Variants in CDC42BPA observed in about 807,000 individuals in gnomAD.
CDC42BPA encodes serine/threonine-protein kinase MRCK alpha.
In CDC42BPA, 80 loss-of-function variants were observed where a neutral mutation model predicts 223.5. The ratio of observed to expected loss-of-function variants is 0.36; its 90% CI spans 0.30 to 0.43. The LOEUF (loss-of-function observed/expected upper bound fraction) is 0.43. Among genes scored for constraint, CDC42BPA ranks in the 20% least tolerant of loss-of-function variants. The pLI is 1.00. For synonymous variants in CDC42BPA, 694 were observed against 718.6 expected (o/e 0.97, Z 0.55); for missense variants, 1,743 against 2,099.9 (o/e 0.83, Z 3.32).
chr1:227,125,514 T>C (rs1011727757), intron 11 of CDC42BPA, among the ~76,000 whole-genome samples: 10 of 151,088 alleles, frequency 6.6e-5, no homozygotes, highest in Admixed American at 6.6e-4. Flanking sequence ...CAAGAATTGC[T>C]TGAACCTGGG....
intron 34 of CDC42BPA, among the ~76,000 whole-genome samples, chr1:227,012,303 C>A (rs1349026571): frequency 1.3e-5 from 2 of 152,076 alleles, no homozygotes; most frequent in Admixed American, 1.3e-4. Flanking sequence ...CAAATAGCAA[C>A]CATGTATTAA....
intron 15 of CDC42BPA, among the ~76,000 whole-genome samples, chr1:227,100,610 T>C (rs1572809990): frequency 6.6e-6 from 1 of 151,290 alleles, no homozygotes; most frequent in East Asian, 1.9e-4. Context: ...TCTTTCTTTT[T>C]TTCCCTGGTA....
chr1:227,117,971 C>T (rs1255945112), intron 12 of CDC42BPA, among the ~76,000 whole-genome samples: 1 of 149,498 alleles, frequency 6.7e-6, no homozygotes, highest in East Asian at 2.1e-4. Flanking sequence ...TATTAAGAAG[C>T]ATTTCACAAA....
chr1:227,195,900 TAA>T (rs937137691), intron 4 of CDC42BPA, among the ~76,000 whole-genome samples: 7 of 152,270 alleles, frequency 4.6e-5, no homozygotes, highest in Non-Finnish European at 7.4e-5. Flanking sequence ...TTCCAATTGT[TAA>T]GAGAGGGACA....
chr1:227,078,412 G>A (rs16847014), intron 17 of CDC42BPA, among the ~76,000 whole-genome samples: 23,465 of 152,068 alleles, frequency 0.15, 2,202 homozygotes, highest in African/African-American at 0.25. Context: ...TACATTTATA[G>A]ATCTCTGTAT....
chr1:227,246,799 CA>C (rs1178388948), intron 2 of CDC42BPA, among the ~76,000 whole-genome samples: 1 of 152,190 alleles, frequency 6.6e-6, no homozygotes, highest in African/African-American at 2.4e-5. Flanking sequence ...CATCTAAAAG[CA>C]TCAACACTAT....
intron 1 of CDC42BPA, among the ~76,000 whole-genome samples, chr1:227,297,360 T>C (rs561042965): frequency 6.6e-6 from 1 of 152,264 alleles, no homozygotes; most frequent in Non-Finnish European, 1.5e-5. Flanking sequence ...TACCACTGCT[T>C]TGAAAAACAG....
intron 2 of CDC42BPA, among the ~76,000 whole-genome samples, chr1:227,246,967 G>A (rs925568661): frequency 5.3e-5 from 8 of 152,078 alleles, no homozygotes; most frequent in Non-Finnish European, 1.2e-4. Context: ...ATGGGAGGCC[G>A]AGGTGGGTGG....
intron 5 of CDC42BPA, among the ~76,000 whole-genome samples, chr1:227,161,322 A>G (rs1663847386): frequency 6.6e-6 from 1 of 152,210 alleles, no homozygotes; most frequent in Non-Finnish European, 1.5e-5. Context: ...ATTCTCAGGG[A>G]CTTAACAATA....
chr1:227,044,161 T>C (rs1395451439), intron 23 of CDC42BPA, among the ~76,000 whole-genome samples: 1 of 152,234 alleles, frequency 6.6e-6, no homozygotes, highest in Non-Finnish European at 1.5e-5. Flanking sequence ...GGGAATTATT[T>C]ATATCACTTG....
At chr1:227,257,487 G>GCTCAC (rs1553421213) in intron 1 of CDC42BPA, among the ~76,000 whole-genome samples, 2 of 150,312 alleles carry the variant, frequency 1.3e-5, no homozygotes, top group Non-Finnish European at 2.9e-5. Flanking sequence ...TGGGCACAGT[G>GCTCAC]GCCTGTAATC....
chr1:227,306,223 T>C (rs937259931), intron 1 of CDC42BPA, among the ~76,000 whole-genome samples: 4 of 148,414 alleles, frequency 2.7e-5, no homozygotes, highest in Non-Finnish European at 5.9e-5. Flanking sequence ...GTACATGTAA[T>C]AAGGAAGTTG....
At chr1:227,196,997 A>G (rs1186926793) in intron 4 of CDC42BPA, among the ~76,000 whole-genome samples, 1 of 152,026 alleles carries the variant, frequency 6.6e-6, no homozygotes, top group Non-Finnish European at 1.5e-5. Flanking sequence ...TAATCACATA[A>G]TAATATCTAC....
At chr1:227,042,370 G>A (rs779559547) in intron 23 of CDC42BPA, among the ~76,000 whole-genome samples, 2 of 151,284 alleles carry the variant, frequency 1.3e-5, no homozygotes, top group Non-Finnish European at 2.9e-5. Flanking sequence ...TTCTGAGTAT[G>A]ACAGCAGGGA....
At chr1:227,275,239 T>TAAAAAAAAAAAAAAA (rs1558930096) in intron 1 of CDC42BPA, among the ~76,000 whole-genome samples, 3 of 75,560 alleles carry the variant, frequency 4.0e-5, no homozygotes, top group Non-Finnish European at 5.6e-5. Flanking sequence ...AAATAAAAAT[T>TAAAAAAAAAAAAAAA]AGAAAGCAGA....
chr1:227,308,523 AAAAAACAGAATG>A (rs1692956164), intron 1 of CDC42BPA, among the ~76,000 whole-genome samples: 1 of 151,500 alleles, frequency 6.6e-6, no homozygotes, highest in Non-Finnish European at 1.5e-5. Context: ...AAAAAAAAAA[AAAAAACAGAATG>A]GGAAGCAAGC....
intron 23 of CDC42BPA, among the ~76,000 whole-genome samples, chr1:227,042,589 C>G (rs114971683): frequency 6.6e-6 from 1 of 151,972 alleles, no homozygotes; most frequent in Non-Finnish European, 1.5e-5. Context: ...AGGTAATACA[C>G]AATAGGATTT....
chr1:226,990,008 T>A lies in CDC42BPA; in HGVS notation c.*4260A>T, dbSNP rs1660524834. On this transcript the variant is annotated 3_prime_UTR_variant, in exon 37 of 37. Coordinates refer to ENST00000366766, the MANE Select transcript of CDC42BPA (RefSeq NM_001394014.1). ...CTGTGCAAAAGAATCCACATCATTGTTTGGTAGCAGAGGATCTCTTAAAAA... is the reference window on the plus strand; with the variant it reads ...CTGTGCAAAAGAATCCACATCATTGATTGGTAGCAGAGGATCTCTTAAAAA... The A allele has an allele frequency of 1.3e-5, 2 of 152,652 alleles. No homozygotes were observed. Among genetic ancestry groups the A allele is most frequent in the South Asian group, 4.1e-4 (2 of 4,828 alleles). The allele number at this position is 152,652 out of a possible 1,614,324, so 9.5% of individuals were successfully genotyped here.
chr1:227,191,142 G>A (rs1473040386), intron 5 of CDC42BPA, among the ~76,000 whole-genome samples: 1 of 151,918 alleles, frequency 6.6e-6, no homozygotes, highest in Non-Finnish European at 1.5e-5. Context: ...TAGGGAGTTC[G>A]AGACCAACCC....
Sources: allele counts gnomAD v4.1 joint callset (sites outside exome capture counted in the v4.1 genomes callset), GRCh38; gene constraint gnomAD v4.1.1; transcripts MANE v1.5; gene names NCBI Gene and HGNC (gene_info 2026-07-23, HGNC 2026-07-21).